Variants in CRPPA observed in about 807,000 individuals in gnomAD.
The protein encoded by CRPPA is D-ribitol-5-phosphate cytidylyltransferase.
In CRPPA, 43 loss-of-function variants were observed where a neutral mutation model predicts 52.0. The observed-to-expected ratio is 0.83, with a 90% confidence interval of 0.65 to 1.07. The LOEUF (loss-of-function observed/expected upper bound fraction) is 1.07, where lower values mean the gene tolerates loss of function less well. Among genes scored for constraint, CRPPA ranks in the 50% least tolerant of loss-of-function variants. The probability of loss-of-function intolerance (pLI) is 0.00; values close to 1 mark genes in which losing one functional copy is unlikely to be tolerated. For missense variants in CRPPA, 629 were observed against 551.7 expected, an observed-to-expected ratio of 1.14 and a Z score of -1.40; for synonymous variants, 250 against 203.5, an observed-to-expected ratio of 1.23 and a Z score of -1.94.
At chr7:16,391,071 T>G (rs1787430029) in intron 2 of CRPPA, among the ~76,000 whole-genome samples, 1 of 152,130 alleles carries the variant, frequency 6.6e-6, no homozygotes, top group South Asian at 2.1e-4. Context: ...AGAATTCTCT[T>G]GAATTCTGGA....
At chr7:16,316,342 G>T (rs1785143908) in intron 3 of CRPPA, among the ~76,000 whole-genome samples, 2 of 152,060 alleles carry the variant, frequency 1.3e-5, no homozygotes. Context: ...TGTACCCTTT[G>T]CCATGTACAC....
chr7:16,286,504 T>C (rs1299259488), intron 5 of CRPPA, among the ~76,000 whole-genome samples: 3 of 152,142 alleles, frequency 2.0e-5, no homozygotes, highest in Admixed American at 6.6e-5. Context: ...GTTCTCATCA[T>C]AGGATTCCTA....
At chr7:16,226,955 C>G (rs920144229) in intron 8 of CRPPA, among the ~76,000 whole-genome samples, 3 of 151,866 alleles carry the variant, frequency 2.0e-5, no homozygotes, top group African/African-American at 7.2e-5. Flanking sequence ...GCCATAGTAT[C>G]AACTCTTTCA....
At chr7:16,381,840 C>T (rs1302722495) in intron 2 of CRPPA, among the ~76,000 whole-genome samples, 2 of 151,814 alleles carry the variant, frequency 1.3e-5, no homozygotes, top group African/African-American at 4.9e-5. Flanking sequence ...TTTCCATTTG[C>T]TTGGTAAATC....
At chr7:16,118,041 C>A (rs1167106739) in intron 9 of CRPPA, among the ~76,000 whole-genome samples, 1 of 152,158 alleles carries the variant, frequency 6.6e-6, no homozygotes, top group Admixed American at 6.6e-5. Context: ...TTAAGATCAT[C>A]CAACTAACTT....
At chr7:16,191,927 C>A (rs560789760) in intron 9 of CRPPA, among the ~76,000 whole-genome samples, 1 of 152,224 alleles carries the variant, frequency 6.6e-6, no homozygotes, top group African/African-American at 2.4e-5. Context: ...TGTACAAATG[C>A]AGAGATTGTA....
At chr7:16,146,799 C>G (rs1288692326) in intron 9 of CRPPA, among the ~76,000 whole-genome samples, 1 of 151,960 alleles carries the variant, frequency 6.6e-6, no homozygotes, top group Non-Finnish European at 1.5e-5. Context: ...GCAAGCATAC[C>G]ACTATAAAAA....
chr7:16,266,877 TTATAC>T (rs1309168028), intron 6 of CRPPA, among the ~76,000 whole-genome samples: 1 of 152,206 alleles, frequency 6.6e-6, no homozygotes, highest in African/African-American at 2.4e-5. Flanking sequence ...TCATGACAGA[TTATAC>T]TATAACTAAA....
chr7:16,254,951 C>A (rs1783594428), intron 8 of CRPPA, among the ~76,000 whole-genome samples: 1 of 152,000 alleles, frequency 6.6e-6, no homozygotes, highest in Non-Finnish European at 1.5e-5. Context: ...GGCAATCAGG[C>A]AAGAGAAAGA....
chr7:16,200,362 C>T (rs1221293321), intron 9 of CRPPA, among the ~76,000 whole-genome samples: 1 of 152,134 alleles, frequency 6.6e-6, no homozygotes. Flanking sequence ...AGACTACAAA[C>T]CTCAAATCTA....
chr7:16,261,248 A>T (rs1783788527), intron 6 of CRPPA, among the ~76,000 whole-genome samples: 1 of 152,112 alleles, frequency 6.6e-6, no homozygotes, highest in Admixed American at 6.5e-5. Flanking sequence ...CATTTCCAGG[A>T]AGTTTAATTT....
intron 3 of CRPPA, among the ~76,000 whole-genome samples, chr7:16,367,505 T>A (rs1176478853): frequency 6.6e-6 from 1 of 151,982 alleles, no homozygotes; most frequent in African/African-American, 2.4e-5. Context: ...CCCAAACTTG[T>A]TGACAGTACG....
intron 8 of CRPPA, among the ~76,000 whole-genome samples, chr7:16,217,021 C>G (rs1782344109): frequency 6.6e-6 from 1 of 151,712 alleles, no homozygotes; most frequent in Non-Finnish European, 1.5e-5. Flanking sequence ...GCAGTAACGT[C>G]TGCAGACTTA....
chr7:16,138,974 G>C (rs1424754959), intron 9 of CRPPA, among the ~76,000 whole-genome samples: 3 of 152,068 alleles, frequency 2.0e-5, no homozygotes, highest in Non-Finnish European at 1.5e-5. Context: ...GCTAATTTTT[G>C]TATTTTTAGT....
chr7:16,170,082 G>C (rs544978181), intron 9 of CRPPA, among the ~76,000 whole-genome samples: 2 of 152,084 alleles, frequency 1.3e-5, no homozygotes, highest in South Asian at 4.1e-4. Context: ...AATAAAAGAC[G>C]ATTATAAACA....
At chr7:16,288,943 C>T (rs192295304) in intron 5 of CRPPA, among the ~76,000 whole-genome samples, 2 of 150,482 alleles carry the variant, frequency 1.3e-5, no homozygotes, top group East Asian at 3.9e-4. Flanking sequence ...TGTAAACCAC[C>T]CAAAAATAAT....
intron 3 of CRPPA, among the ~76,000 whole-genome samples, chr7:16,362,042 GACGGGGTTTC>G (rs931254744): frequency 3.3e-5 from 5 of 152,142 alleles, no homozygotes; most frequent in Admixed American, 6.5e-5. Flanking sequence ...TTTTGGTAGA[GACGGGGTTTC>G]ACCATGTTAG....
chr7:16,265,519 C>G (rs1038502999), intron 6 of CRPPA, among the ~76,000 whole-genome samples: 4 of 152,182 alleles, frequency 2.6e-5, no homozygotes, highest in African/African-American at 4.8e-5. Context: ...TTCCCAACAA[C>G]TACTGTTCTA....
intron 3 of CRPPA, among the ~76,000 whole-genome samples, chr7:16,318,647 C>T (rs1262103924): frequency 1.3e-5 from 2 of 152,148 alleles, no homozygotes; most frequent in African/African-American, 4.8e-5. Context: ...CTCTGCAGCT[C>T]AGACTGGAGG....
Sources: gnomAD v4.1 joint callset for allele counts (sites outside exome capture counted in the v4.1 genomes callset) on GRCh38, gnomAD v4.1.1 for gene constraint, MANE v1.5 for transcripts, NCBI Gene and HGNC (gene_info 2026-07-23, HGNC 2026-07-21) for gene names.